The following FREM1 variants were observed in gnomAD, a reference collection of about 807,000 sequenced individuals.
FREM1 encodes FRAS1 related extracellular matrix 1.
A neutral mutation model predicts 210.1 loss-of-function variants in FREM1; 220 were observed. That is an observed-to-expected ratio of 1.05 (90% CI 0.94 to 1.17). The LOEUF is 1.17. Ranked by LOEUF, FREM1 falls within the 50% of genes most tolerant of loss-of-function variation. The probability of loss-of-function intolerance (pLI) is 0.00; values close to 1 mark genes in which losing one functional copy is unlikely to be tolerated. For missense variants in FREM1, 3,454 were observed against 2,675.5 expected, an observed-to-expected ratio of 1.29 and a Z score of -6.42; for synonymous variants, 1,189 against 980.2, an observed-to-expected ratio of 1.21 and a Z score of -3.98.
At chr9:14,807,127 C>T (rs903131629) in intron 17 of FREM1, among the ~76,000 whole-genome samples, 3 of 152,216 alleles carry the variant, frequency 2.0e-5, no homozygotes, top group South Asian at 4.1e-4. Context: ...TGTTCCAGCA[C>T]AGCCCTTTAG....
intron 5 of FREM1, among the ~76,000 whole-genome samples, chr9:14,855,497 A>G (rs929215394): frequency 1.3e-5 from 2 of 152,198 alleles, no homozygotes; most frequent in African/African-American, 4.8e-5. Context: ...CAACCATAAA[A>G]ATAACAAAAG....
intron 2 of FREM1, 36 bp from the exon 3 acceptor site, chr9:14,863,939 G>C (rs1188741350): frequency 7.6e-7 from 1 of 1,310,014 alleles, no homozygotes; most frequent in Non-Finnish European, 1.1e-6. Flanking sequence ...ATATCTATGA[G>C]AAAATTGGTA....
rs2990586 is a variant in FREM1, at chr9:14,830,639, T to G, written c.1882-5647A>C. Among the ~76,000 whole-genome samples, 182 of 152,158 alleles carry G rather than the reference T, an allele frequency of 1.2e-3. 1 individual carries two copies. Among genetic ancestry groups the G allele is most frequent in the South Asian group, 8.3e-3 (40 of 4,818 alleles). ...CCTCCTCCTCTTTCGGCTTTGGAGCTCCCCCCGCTCTGTTTCTGTATGGGG... is the reference window on the plus strand; with the variant it reads ...CCTCCTCCTCTTTCGGCTTTGGAGCGCCCCCCGCTCTGTTTCTGTATGGGG... On this transcript the variant is annotated intron_variant, in intron 10 of 36. Transcript: ENST00000380880.
rs768864883 is a variant in FREM1, at chr9:14,748,456, A to G, written c.5741T>C (p.Phe1914Ser). 2.5e-6 allele frequency: 4 copies of G among 1,613,712 alleles called. No individual in the cohort carries two copies. In the African/African-American group the frequency reaches 5.3e-5, roughly 22 times the overall value. Residue 1914 changes from phenylalanine (F) to serine (S), a missense_variant, in exon 31 of 37, where the codon TTT becomes TCT. Phe to Ser is a radical substitution (Grantham distance 155, BLOSUM62 -2). Coordinates refer to ENST00000380880, the MANE Select transcript of FREM1 (RefSeq NM_001379081.2). ...AVIRGDTLRG[F>S]DSTDLSQRKL... ...CCTTTGAGAAAGATCTGTAGAATCAAAGCCCCGCAGGGTGTCTCCCCTGAT... is the reference window on the plus strand; with the variant it reads ...CCTTTGAGAAAGATCTGTAGAATCAGAGCCCCGCAGGGTGTCTCCCCTGAT...
Position 14,836,045 on chromosome 9 carries a change from G to A in FREM1, c.1881+5402C>T, listed in dbSNP as rs967656256. ...TCTGGGCAATTATCTTGCAACTTCT[G>A]CCGGGTAATGAAAAGTGAGTAAGGT... On this transcript the variant is annotated intron_variant, in intron 10 of 36. Coordinates refer to ENST00000380880, the MANE Select transcript of FREM1 (RefSeq NM_001379081.2). The surrounding 1 kb of genome is among the most constrained non-coding windows in gnomAD (Gnocchi z 4.9). 2.6e-5 allele frequency among the ~76,000 whole-genome samples: 4 copies of A among 152,174 alleles called. No homozygotes were observed. Among genetic ancestry groups the A allele is most frequent in the African/African-American group, 7.2e-5 (3 of 41,450 alleles).
intron 22 of FREM1, among the ~76,000 whole-genome samples, chr9:14,789,775 G>C (rs1850994604): frequency 1.3e-5 from 2 of 152,176 alleles, no homozygotes; most frequent in Admixed American, 1.3e-4. Flanking sequence ...GTTTTGTACA[G>C]AGCTTGATGC....
chr9:14,829,070 A>G (rs982776260), intron 10 of FREM1, among the ~76,000 whole-genome samples: 10 of 152,240 alleles, frequency 6.6e-5, no homozygotes, highest in African/African-American at 2.4e-4. Flanking sequence ...TAGGTGCCCA[A>G]TAAATACTAC....
intron 31 of FREM1, 70 bp from the exon 32 acceptor site, chr9:14,747,798 C>T: frequency 1.2e-6 from 1 of 854,266 alleles, no homozygotes; most frequent in Non-Finnish European, 1.8e-6. Flanking sequence ...GGTAAAACCA[C>T]CAAGTAAGAT....
At chr9:14,870,677 A>C (rs533644652) in intron 1 of FREM1, among the ~76,000 whole-genome samples, 2 of 151,894 alleles carry the variant, frequency 1.3e-5, no homozygotes, top group South Asian at 4.2e-4. Context: ...ATTATACTTT[A>C]AGTTTTAGGG....
Position 14,808,101 on chromosome 9 carries a change from G to A in FREM1, c.2927C>T (p.Thr976Ile). 6.2e-7 allele frequency: 1 copy of A among 1,611,324 alleles called. No individual in the cohort carries two copies. Among genetic ancestry groups the A allele is most frequent in the Non-Finnish European group, 8.5e-7 (1 of 1,178,438 alleles). The change falls in exon 17 of 37, where the codon ACC becomes ATC. Residue 976 changes from threonine (T) to isoleucine (I), a missense_variant. Thr to Ile is a moderately conservative substitution (Grantham distance 89, BLOSUM62 -1). Transcript: ENST00000380880. ...TCCATCCGAAACCACCAATGTAATG[G>A]TGTCAAAACAAGGCATCAGGCCAAT... The part of the protein sequence containing the change: ...GEIGLMPCFD[T>I]ITLVVSDGEA...
intron 24 of FREM1, chr9:14,782,289 C>A (rs1494353): frequency 0.042 from 34,322 of 818,926 alleles, 1,267 homozygotes; most frequent in African/African-American, 0.15. Flanking sequence ...TCTCTGGATG[C>A]AAATTAGGAA....
chr9:14,899,725 T>G (rs1838434275), intron 1 of FREM1, among the ~76,000 whole-genome samples: 1 of 152,130 alleles, frequency 6.6e-6, no homozygotes, highest in African/African-American at 2.4e-5. Flanking sequence ...TTGCAAGAAA[T>G]TTGTCTAGAG....
At position 14,748,404 on chromosome 9, in the gene FREM1, T is replaced by A; in HGVS notation, c.5793A>T (p.Lys1931Asn). The change falls in exon 31 of 37, where the codon AAA becomes AAT. Residue 1931 changes from lysine (K) to asparagine (N), a missense_variant. Physicochemically the swap from Lys to Asn is moderately conservative, Grantham distance 94 (BLOSUM62 0). Coordinates refer to ENST00000380880, the MANE Select transcript of FREM1 (RefSeq NM_001379081.2). Reference sequence around the variant, plus strand: ...CCCAGAAGGTCCCCATCCTTACTGTTTTGCCATTCCCACGGGTCCTAAGCT... The same window carrying A: ...CCCAGAAGGTCCCCATCCTTACTGTATTGCCATTCCCACGGGTCCTAAGCT... ...QRKLRTRGNG[K>N]TVRPSSVYRN... 6.3e-7 allele frequency: 1 copy of A among 1,586,534 alleles called. No individual in the cohort carries two copies. The highest frequency in any genetic ancestry group is 8.7e-7 in the Non-Finnish European group (1 of 1,155,354).
At chr9:14,906,286 G>A (rs1170885564) in intron 1 of FREM1, among the ~76,000 whole-genome samples, 1 of 152,106 alleles carries the variant, frequency 6.6e-6, no homozygotes, top group Non-Finnish European at 1.5e-5. Flanking sequence ...TTTTTTCAAA[G>A]GCCATTATTT....
rs530698417 is a variant in FREM1, at chr9:14,901,184, T to A, written c.-268+8730A>T. Among the ~76,000 whole-genome samples, 42 of 152,340 alleles carry A rather than the reference T, an allele frequency of 2.8e-4. 1 individual carries two copies. Among genetic ancestry groups the A allele is most frequent in the African/African-American group, 9.6e-4 (40 of 41,594 alleles). ...ATATTTAGGTTTAGGCAGTATGTAA[T>A]AGATCTCTCTAAAACCATAAAATGC... is the stretch of plus-strand genomic sequence containing the variant. On this transcript the variant is annotated intron_variant, in intron 1 of 36. Coordinates refer to ENST00000380880, the MANE Select transcript of FREM1 (RefSeq NM_001379081.2).
At chr9:14,841,340 CAAATTTTAAACCTTG>C (rs931930136) in intron 10 of FREM1, 92 bp downstream of exon 10, 18 of 933,624 alleles carry the variant, frequency 1.9e-5, no homozygotes, top group Admixed American at 3.2e-5. Context: ...GATTGTTTTT[CAAATTTTAAACCTTG>C]AAACCTATTT....
At chr9:14,840,350 T>A (rs1163833041) in intron 10 of FREM1, among the ~76,000 whole-genome samples, 1 of 152,190 alleles carries the variant, frequency 6.6e-6, no homozygotes, top group Non-Finnish European at 1.5e-5. Context: ...ACACTGCTGA[T>A]AAAGACATAC....
chr9:14,801,106 T>C (rs189828872), intron 20 of FREM1, among the ~76,000 whole-genome samples: 1 of 152,208 alleles, frequency 6.6e-6, no homozygotes, highest in East Asian at 1.9e-4. Flanking sequence ...TCAAGCGATT[T>C]CGTGCCTCAG....
At chr9:14,750,307 T>C (rs770075932) in intron 29 of FREM1, 31 bp from the exon 30 acceptor site, 2 of 1,549,574 alleles carry the variant, frequency 1.3e-6, no homozygotes, top group Non-Finnish European at 1.8e-6. Flanking sequence ...AATTACTCTT[T>C]AATTGCTATT....
Sources: gnomAD v4.1 joint callset for allele counts (sites outside exome capture counted in the v4.1 genomes callset) on GRCh38, gnomAD v4.1.1 for gene constraint, Gnocchi (gnomAD v3.1) non-coding constraint, MANE v1.5 for transcripts, NCBI Gene and HGNC (gene_info 2026-07-23, HGNC 2026-07-21) for gene names.